Variants in ZNF430 observed in about 807,000 individuals in gnomAD.
ZNF430 encodes the protein zinc finger protein 430.
ZNF430 carries 35 observed loss-of-function variants against 56.7 expected under a neutral mutation model. The observed-to-expected ratio is 0.62, with a 90% CI of 0.47 to 0.82. ZNF430 has a LOEUF of 0.82. Among genes scored for constraint, ZNF430 ranks in the 40% least tolerant of loss-of-function variants. The pLI, the probability that ZNF430 is intolerant of heterozygous loss-of-function variation, is 0.00. For synonymous variants in ZNF430, 212 were observed against 224.3 expected, an observed-to-expected ratio of 0.94 and a Z score of 0.49; for missense variants, 574 against 661.0, an observed-to-expected ratio of 0.87 and a Z score of 1.44.
At chr19:21,049,360 C>CATT (rs768287652) in intron 4 of ZNF430, 24 of 151,750 alleles carry the variant, frequency 1.6e-4, no homozygotes, top group South Asian at 4.2e-4. Context: ...TTTTATGCAC[C>CATT]ATTATGATAG....
intron 2 of ZNF430, among the ~76,000 whole-genome samples, chr19:21,025,362 C>T (rs1967772285): frequency 6.6e-6 from 1 of 152,174 alleles, no homozygotes; most frequent in Non-Finnish European, 1.5e-5. Context: ...CACCAAAGGT[C>T]ACTCTCATCC....
intron 4 of ZNF430, among the ~76,000 whole-genome samples, chr19:21,047,208 T>C (rs914044514): frequency 4.6e-5 from 7 of 152,196 alleles, no homozygotes; most frequent in African/African-American, 1.7e-4. Flanking sequence ...CCTCTCTAAA[T>C]TGGTTGTTTT....
intron 4 of ZNF430, among the ~76,000 whole-genome samples, chr19:21,040,966 C>T (rs1352766998): frequency 6.6e-6 from 1 of 152,072 alleles, no homozygotes; most frequent in African/African-American, 2.4e-5. Flanking sequence ...ATAATTACTG[C>T]CACCTCACCC....
rs1324053885 is a variant in ZNF430, at chr19:21,056,893, A to G, written c.585A>G (p.Gln195=). Residue 195 remains glutamine (Q), a synonymous_variant, in exon 5 of 5, where the codon CAA becomes CAG. Transcript: ENST00000261560. ...VFYKFSNPNI[Q]KIRHTGKKPF... is the part of the protein sequence containing the mutation. ...ATAAATTTTCAAATCCAAATATACA[A>G]AAGATAAGACATACTGGAAAGAAGC... The G allele has an allele frequency of 6.2e-7, 1 of 1,610,904 alleles. No individual in the cohort carries two copies. Among genetic ancestry groups the G allele is most frequent in the South Asian group, 1.1e-5 (1 of 90,326 alleles).
rs554426906 is a variant in ZNF430, at chr19:21,042,030, G to A, written c.322+7846G>A. Among the ~76,000 whole-genome samples, 8 of 152,128 alleles carry A rather than the reference G, an allele frequency of 5.3e-5. No individual in the cohort carries two copies. In the East Asian group the frequency reaches 7.7e-4, roughly 15 times the overall value. Reference sequence around the variant, plus strand: ...CCCAGCCCATGTGTTCTTATTGTTCGGCTCTCACTTACGAGTGAGAACATG... The same window carrying A: ...CCCAGCCCATGTGTTCTTATTGTTCAGCTCTCACTTACGAGTGAGAACATG... On this transcript the variant is annotated intron_variant, in intron 4 of 4. Transcript: ENST00000261560.
intron 2 of ZNF430, among the ~76,000 whole-genome samples, chr19:21,024,326 T>G (rs1967751916): frequency 6.6e-6 from 1 of 152,174 alleles, no homozygotes; most frequent in African/African-American, 2.4e-5. Flanking sequence ...TGAAGGCAGT[T>G]TCTAGACTTT....
chr19:21,022,223 CG>C (rs1172044645), intron 1 of ZNF430, among the ~76,000 whole-genome samples: 2 of 152,070 alleles, frequency 1.3e-5, no homozygotes, highest in African/African-American at 4.8e-5. Context: ...TCACACTCCA[CG>C]GGGAACTGAT....
At chr19:21,047,285 A>G (rs1968199376) in intron 4 of ZNF430, among the ~76,000 whole-genome samples, 1 of 152,160 alleles carries the variant, frequency 6.6e-6, no homozygotes, top group African/African-American at 2.4e-5. Flanking sequence ...AACATACTCC[A>G]TTAGCTCAGC....
At position 21,057,714 on chromosome 19, in the gene ZNF430, C is replaced by T; in HGVS notation, c.1406C>T (p.Ser469Phe). Reference sequence around the variant, plus strand: ...GAATGTGGCAAAGCCTTTAACCGGTCCCCAAAACTTACTGCACATAAGGTA... The same window carrying T: ...GAATGTGGCAAAGCCTTTAACCGGTTCCCAAAACTTACTGCACATAAGGTA... ...CEECGKAFNR[S>F]PKLTAHKVIH... Residue 469 changes from serine to phenylalanine, a missense_variant, in exon 5 of 5, where the codon TCC becomes TTC. Ser to Phe is a radical substitution (Grantham distance 155, BLOSUM62 -2). Around this residue, in one of 3 missense-constraint regions of ZNF430, gnomAD observed 213 missense variants for 221.0 expected, o/e 0.96. Transcript: ENST00000261560. 6.2e-7 allele frequency: 1 copy of T among 1,604,816 alleles called. No homozygotes were observed. Among genetic ancestry groups the T allele is most frequent in the Non-Finnish European group, 8.5e-7 (1 of 1,175,750 alleles).
Position 21,053,998 on chromosome 19 carries a change from G to A in ZNF430, c.323-2633G>A, listed in dbSNP as rs138865306. ...AGATACAACGATATATTTCAGTCTG[G>A]TAAAAAGAAAAAAACTTCAGTTACA... On this transcript the variant is annotated intron_variant, in intron 4 of 4. Coordinates refer to ENST00000261560, the MANE Select transcript of ZNF430 (RefSeq NM_025189.4). Among the ~76,000 whole-genome samples the A allele has an allele frequency of 1.0e-3, 155 of 151,798 alleles. 1 individual carries two copies. Among genetic ancestry groups the A allele is most frequent in the African/African-American group, 3.2e-3 (133 of 41,380 alleles).
chr19:21,031,173 C>G (rs1040874410), intron 2 of ZNF430, among the ~76,000 whole-genome samples: 1 of 152,160 alleles, frequency 6.6e-6, no homozygotes, highest in Non-Finnish European at 1.5e-5. Flanking sequence ...TGTGAGCCAC[C>G]GCGCCCGGCC....
chr19:21,046,151 G>A (rs139074174), intron 4 of ZNF430, among the ~76,000 whole-genome samples: 1,800 of 151,870 alleles, frequency 0.012, 57 homozygotes, highest in Admixed American at 0.067. Flanking sequence ...GTGAAACCCC[G>A]CCTCTACTAA....
At chr19:21,023,957 C>T (rs1006747374) in intron 2 of ZNF430, among the ~76,000 whole-genome samples, 1 of 152,100 alleles carries the variant, frequency 6.6e-6, no homozygotes, top group African/African-American at 2.4e-5. Flanking sequence ...ATTGCAAACA[C>T]CTTAAAATTT....
chr19:21,040,180 A>G (rs1485394063), intron 4 of ZNF430, among the ~76,000 whole-genome samples: 1 of 152,224 alleles, frequency 6.6e-6, no homozygotes, highest in Non-Finnish European at 1.5e-5. Context: ...AACAGAATAT[A>G]TCACATCCAA....
chr19:21,023,157 A>G (rs1266569538), intron 2 of ZNF430, among the ~76,000 whole-genome samples: 3 of 152,210 alleles, frequency 2.0e-5, no homozygotes, highest in Non-Finnish European at 4.4e-5. Flanking sequence ...AGAACTTGCA[A>G]AGTTAAATGC....
Position 21,051,563 on chromosome 19 carries a change from G to T in ZNF430, c.323-5068G>T, listed in dbSNP as rs549573032. Among the ~76,000 whole-genome samples the T allele has an allele frequency of 2.8e-4, 43 of 152,146 alleles. 1 individual carries two copies. Among genetic ancestry groups the T allele is most frequent in the African/African-American group, 9.2e-4 (38 of 41,500 alleles). ...GGCTGGAGTGCAGTGGTGCGATCTC[G>T]GCGCACTGCAACCTCCACCTCCCGG... On this transcript the variant is annotated intron_variant, in intron 4 of 4. Transcript: ENST00000261560.
At chr19:21,048,888 A>G (rs1426665319) in intron 4 of ZNF430, among the ~76,000 whole-genome samples, 1 of 151,896 alleles carries the variant, frequency 6.6e-6, no homozygotes, top group African/African-American at 2.4e-5. Context: ...GATGGGGCAT[A>G]AAATATCTTA....
At chr19:21,027,260 C>T (rs1158407118) in intron 2 of ZNF430, among the ~76,000 whole-genome samples, 2 of 152,082 alleles carry the variant, frequency 1.3e-5, no homozygotes, top group Admixed American at 1.3e-4. Context: ...AGCTTGTGTC[C>T]ATTCAGTGTG....
chr19:21,037,053 G>A (rs775861994), intron 4 of ZNF430, among the ~76,000 whole-genome samples: 7 of 151,380 alleles, frequency 4.6e-5, no homozygotes, highest in Non-Finnish European at 1.0e-4. Flanking sequence ...TTTCGTTACT[G>A]GCTTATTTCA....
Sources: gnomAD v4.1 joint callset for allele counts (sites outside exome capture counted in the v4.1 genomes callset) on GRCh38, gnomAD v4.1.1 for gene constraint, gnomAD v4.1.1 regional missense constraint, MANE v1.5 for transcripts, NCBI Gene and HGNC (gene_info 2026-07-23, HGNC 2026-07-21) for gene names.